CACNB2: variants seen among roughly 807,000 people sequenced by gnomAD.
CACNB2 encodes the protein calcium voltage-gated channel auxiliary subunit beta 2.
In CACNB2, 42 loss-of-function variants were observed where a neutral mutation model predicts 73.3. That is an observed-to-expected ratio of 0.57 (90% confidence interval 0.45 to 0.74). CACNB2 has a LOEUF of 0.74. Among genes scored for constraint, CACNB2 ranks in the 30% least tolerant of loss-of-function variants. The probability of loss-of-function intolerance (pLI) is 0.00; values close to 1 mark genes in which losing one functional copy is unlikely to be tolerated. For missense variants in CACNB2, 940 were observed against 853.0 expected, an observed-to-expected ratio of 1.10 and a Z score of -1.27; for synonymous variants, 348 against 310.3, an observed-to-expected ratio of 1.12 and a Z score of -1.28.
chr10:18,189,085 C>G (rs1019751957), intron 2 of CACNB2, among the ~76,000 whole-genome samples: 4 of 152,266 alleles, frequency 2.6e-5, no homozygotes, highest in Non-Finnish European at 5.9e-5. Flanking sequence ...CCTCCGCCTC[C>G]CAAGTAGCTG....
intron 12 of CACNB2, among the ~76,000 whole-genome samples, chr10:18,536,966 G>A (rs2053665948): frequency 6.6e-6 from 1 of 152,122 alleles, no homozygotes; most frequent in African/African-American, 2.4e-5. Context: ...TACATGCAAT[G>A]CCTTGAGGTA....
At chr10:18,323,536 G>C (rs1342607088) in intron 2 of CACNB2, among the ~76,000 whole-genome samples, 2 of 152,144 alleles carry the variant, frequency 1.3e-5, no homozygotes, top group Non-Finnish European at 1.5e-5. Flanking sequence ...TCGAATCATA[G>C]TATAGTAATG....
At chr10:18,164,169 A>G (rs1284971986) in intron 2 of CACNB2, among the ~76,000 whole-genome samples, 2 of 152,246 alleles carry the variant, frequency 1.3e-5, no homozygotes, top group Non-Finnish European at 2.9e-5. Flanking sequence ...CAGGTTTTCT[A>G]CTAGATGTCA....
intron 3 of CACNB2, among the ~76,000 whole-genome samples, chr10:18,455,694 C>G (rs1398896393): frequency 6.6e-6 from 1 of 152,158 alleles, no homozygotes. Flanking sequence ...CACTAAGGTT[C>G]CTTAAGTGTT....
intron 3 of CACNB2, among the ~76,000 whole-genome samples, chr10:18,430,468 A>T (rs577437156): frequency 1.3e-5 from 2 of 152,286 alleles, no homozygotes; most frequent in South Asian, 4.1e-4. Flanking sequence ...CTTAAAAAAA[A>T]AAAATTAATT....
chr10:18,343,823 A>G (rs2041333137), intron 2 of CACNB2, among the ~76,000 whole-genome samples: 1 of 152,214 alleles, frequency 6.6e-6, no homozygotes, highest in South Asian at 2.1e-4. Context: ...AGGGGAAAGC[A>G]AATACAAACG....
chr10:18,177,541 G>A (rs891191012), intron 2 of CACNB2, among the ~76,000 whole-genome samples: 6 of 150,650 alleles, frequency 4.0e-5, no homozygotes, highest in Non-Finnish European at 7.4e-5. Context: ...ATCACGCCAC[G>A]GCACTCCAGC....
chr10:18,419,613 G>A (rs1042032221), intron 3 of CACNB2, among the ~76,000 whole-genome samples: 11 of 152,164 alleles, frequency 7.2e-5, no homozygotes, highest in African/African-American at 2.2e-4. Context: ...TGGAAAAGGG[G>A]TCTTGTCCAG....
intron 2 of CACNB2, among the ~76,000 whole-genome samples, chr10:18,213,050 T>C (rs574672612): frequency 6.6e-6 from 1 of 152,334 alleles, no homozygotes; most frequent in South Asian, 2.1e-4. Context: ...CAGATAATCA[T>C]CTGGCCTCAT....
chr10:18,165,758 T>G (rs575541555), intron 2 of CACNB2, among the ~76,000 whole-genome samples: 62 of 152,336 alleles, frequency 4.1e-4, no homozygotes, highest in Non-Finnish European at 5.9e-4. Context: ...AAGTAGTCTA[T>G]CCCAGTAAAC....
At chr10:18,352,543 A>G (rs1326251652) in intron 2 of CACNB2, among the ~76,000 whole-genome samples, 1 of 152,212 alleles carries the variant, frequency 6.6e-6, no homozygotes, top group Non-Finnish European at 1.5e-5. Context: ...CAGGAGTTCC[A>G]TTTTTAAGCA....
chr10:18,220,222 T>G (rs1236384513), intron 2 of CACNB2, among the ~76,000 whole-genome samples: 1,046 of 48,178 alleles, frequency 0.022, 43 homozygotes, highest in Non-Finnish European at 0.026. Context: ...TATATATATA[T>G]ATATATATAT....
At position 18,336,402 on chromosome 10, in the gene CACNB2, T is replaced by C. The variant is rs890610511; in HGVS notation, c.214-65522T>C. Among the ~76,000 whole-genome samples, 7 of 152,302 alleles carry C rather than the reference T, an allele frequency of 4.6e-5. No individual in the cohort carries two copies. In the East Asian group the frequency reaches 1.4e-3, roughly 29 times the overall value. On this transcript the variant is annotated intron_variant, in intron 2 of 13. Coordinates refer to ENST00000324631, the MANE Select transcript of CACNB2 (RefSeq NM_201596.3). The stretch of plus-strand genomic sequence containing the variant: ...GGGAGGCCAAGGTGGGTGGATCACC[T>C]GAGGTCAGGAGTTCAAGACCAGCCT...
At chr10:18,271,411 G>A (rs2038049566) in intron 2 of CACNB2, among the ~76,000 whole-genome samples, 1 of 152,076 alleles carries the variant, frequency 6.6e-6, no homozygotes, top group African/African-American at 2.4e-5. Context: ...TAAAACAGCA[G>A]TTACAAAAGT....
intron 3 of CACNB2, among the ~76,000 whole-genome samples, chr10:18,415,492 A>G (rs2132667297): frequency 6.6e-6 from 1 of 151,534 alleles, no homozygotes; most frequent in South Asian, 2.1e-4. Flanking sequence ...AAAGAAAAGA[A>G]AAAAAAAGCA....
At chr10:18,251,280 T>A (rs929521946) in intron 2 of CACNB2, among the ~76,000 whole-genome samples, 1 of 152,026 alleles carries the variant, frequency 6.6e-6, no homozygotes, top group Non-Finnish European at 1.5e-5. Context: ...AGTTTCACTC[T>A]GTCGCCCAGG....
intron 2 of CACNB2, among the ~76,000 whole-genome samples, chr10:18,231,593 T>G (rs1045809369): frequency 5.9e-5 from 9 of 152,230 alleles, no homozygotes; most frequent in Non-Finnish European, 1.2e-4. Flanking sequence ...TTCTTATCCA[T>G]TGAACCTTCA....
intron 2 of CACNB2, among the ~76,000 whole-genome samples, chr10:18,383,496 A>G (rs1158848515): frequency 6.6e-6 from 1 of 152,190 alleles, no homozygotes; most frequent in Non-Finnish European, 1.5e-5. Context: ...ATAGAGGTGT[A>G]TAACAGAGCA....
At chr10:18,449,588 C>G (rs2132596694) in intron 3 of CACNB2, among the ~76,000 whole-genome samples, 1 of 152,284 alleles carries the variant, frequency 6.6e-6, no homozygotes, top group South Asian at 2.1e-4. Context: ...CACAAGGACC[C>G]TATGGGATTC....
Sources: gnomAD v4.1 joint callset for allele counts (sites outside exome capture counted in the v4.1 genomes callset) on GRCh38, gnomAD v4.1.1 for gene constraint, MANE v1.5 for transcripts, NCBI Gene and HGNC (gene_info 2026-07-23, HGNC 2026-07-21) for gene names.